PLCE1: variants seen among roughly 807,000 people sequenced by gnomAD.
The protein encoded by PLCE1 is phospholipase C epsilon 1.
Under a neutral mutation model 242.8 loss-of-function variants are expected in PLCE1, and 119 were observed. The observed-to-expected ratio is 0.49, with a 90% CI of 0.42 to 0.57. The LOEUF is 0.57. Ranked by LOEUF, PLCE1 falls within the 20% of genes least tolerant of loss-of-function variation. The probability of loss-of-function intolerance (pLI) is 0.00; values close to 1 mark genes in which losing one functional copy is unlikely to be tolerated. For synonymous variants in PLCE1, 945 were observed against 1,017.4 expected (o/e 0.93, Z 1.35); for missense variants, 2,441 against 2,788.8 (o/e 0.88, Z 2.81).
rs755520745 is a variant in PLCE1, at chr10:94,246,048, T to G, written c.2523T>G (p.His841Gln). 6.2e-7 allele frequency: 1 copy of G among 1,614,084 alleles called. No homozygotes were observed. The highest frequency in any genetic ancestry group is 1.1e-5 in the South Asian group (1 of 91,076). ...AGGACTCACAGAAGGCCTTCGACCA[T>G]GGGACGGAGCTCATCCCTTGGTACG... ...GSEDSQKAFD[H>Q]GTELIPWYVL... Residue 841 changes from histidine (H) to glutamine (Q), a missense_variant, in exon 8 of 33, where the codon CAT becomes CAG. This residue lies in a region of PLCE1 where 733 missense variants were observed against 754.2 expected (regional missense o/e 0.97). Transcript: ENST00000371380.
chr10:94,281,269 A>G (rs2052206839), intron 20 of PLCE1, among the ~76,000 whole-genome samples: 1 of 152,204 alleles, frequency 6.6e-6, no homozygotes, highest in Non-Finnish European at 1.5e-5. Context: ...TAGTTAGTCC[A>G]CTAGAAAACA....
intron 1 of PLCE1, among the ~76,000 whole-genome samples, chr10:94,025,280 T>A (rs76792790): frequency 0.027 from 4,131 of 152,210 alleles, 125 homozygotes; most frequent in African/African-American, 0.065. Context: ...CACATCTAGC[T>A]GTAAGGGAGG....
At chr10:93,994,426 G>A (rs1564612570) in intron 1 of PLCE1, among the ~76,000 whole-genome samples, 168 bp downstream of exon 1, 2 of 152,252 alleles carry the variant, frequency 1.3e-5, no homozygotes, top group South Asian at 4.1e-4. Flanking sequence ...GGTCCTCCAG[G>A]GCATGCAGGC....
intron 1 of PLCE1, among the ~76,000 whole-genome samples, chr10:94,006,604 T>C (rs978040978): frequency 2.0e-5 from 3 of 152,220 alleles, no homozygotes; most frequent in South Asian, 2.1e-4. Flanking sequence ...CATCCAACAC[T>C]ACTTGTTTTT....
chr10:94,284,992 C>A, intron 22 of PLCE1, 27 bp downstream of exon 22: 2 of 1,229,650 alleles, frequency 1.6e-6, no homozygotes, highest in Non-Finnish European at 2.4e-6. Flanking sequence ...TCATCTATAA[C>A]TTTTAAAGAT....
At chr10:94,234,599 G>A (rs1404685230) in intron 6 of PLCE1, among the ~76,000 whole-genome samples, 1 of 152,158 alleles carries the variant, frequency 6.6e-6, no homozygotes, top group East Asian at 1.9e-4. Flanking sequence ...AGATTGACAG[G>A]TTTTTCTTAT....
intron 2 of PLCE1, among the ~76,000 whole-genome samples, chr10:94,068,280 C>T (rs1383938055): frequency 6.6e-6 from 1 of 152,176 alleles, no homozygotes; most frequent in Non-Finnish European, 1.5e-5. Context: ...CTGCTTCTTT[C>T]GTGCTCCCAT....
chr10:94,028,409 A>G (rs955411325), intron 1 of PLCE1, among the ~76,000 whole-genome samples: 18 of 152,196 alleles, frequency 1.2e-4, no homozygotes, highest in Admixed American at 6.5e-5. Context: ...GATTACCCCC[A>G]GAGCATGCGA....
intron 2 of PLCE1, among the ~76,000 whole-genome samples, chr10:94,034,292 A>G (rs574371383): frequency 6.6e-6 from 1 of 152,336 alleles, no homozygotes; most frequent in African/African-American, 2.4e-5. Context: ...TGAGTCATCA[A>G]TCAGGGTAGC....
At chr10:94,167,018 G>A (rs888467940) in intron 3 of PLCE1, among the ~76,000 whole-genome samples, 42 of 152,168 alleles carry the variant, frequency 2.8e-4, no homozygotes, top group Non-Finnish European at 2.5e-4. Flanking sequence ...GGCCAGGCAT[G>A]GTGGCTCACA....
rs539096536 is a variant in PLCE1, at chr10:94,180,480, G to T, written c.1809+8984G>T. On this transcript the variant is annotated intron_variant, in intron 4 of 32. Transcript: ENST00000371380. ...TTTGGCTTTTCAAGTTCCCTTCTTGGCTCTGAGGTTTCCTTTGGTGTGAAA... is the reference window on the plus strand; with the variant it reads ...TTTGGCTTTTCAAGTTCCCTTCTTGTCTCTGAGGTTTCCTTTGGTGTGAAA... Among the ~76,000 whole-genome samples, 16 of 152,240 alleles carry T rather than the reference G, an allele frequency of 1.1e-4. 1 individual carries two copies. The highest frequency in any genetic ancestry group is 3.8e-4 in the African/African-American group (16 of 41,560).
In PLCE1 at chr10:94,298,488, G is replaced by A. The variant is rs550258605; in HGVS notation, c.5277G>A (p.Ser1759=). 11 of 1,613,972 alleles carry A rather than the reference G, an allele frequency of 6.8e-6. No homozygotes were observed. The highest frequency in any genetic ancestry group is 5.5e-5 in the South Asian group (5 of 91,064). The part of the protein sequence containing the change: ...IRTPKCYHIS[S]LNENAAKRLC... ...CTCCCAAATGTTATCATATCTCGTC[G>A]CTGAATGAAAATGCCGCCAAACGTC... is the stretch of plus-strand genomic sequence containing the variant. Residue 1759 remains serine (S), a synonymous_variant, in exon 24 of 33, where the codon TCG becomes TCA. Transcript: ENST00000371380. The surrounding 1 kb of genome is among the most constrained non-coding windows in gnomAD (Gnocchi z 5.2).
intron 8 of PLCE1, among the ~76,000 whole-genome samples, chr10:94,249,062 C>G (rs1438593157): frequency 6.6e-6 from 1 of 152,118 alleles, no homozygotes; most frequent in East Asian, 1.9e-4. Context: ...CCCCACCACC[C>G]CTGCACAGAA....
chr10:94,055,921 A>T (rs946834498), intron 2 of PLCE1, among the ~76,000 whole-genome samples: 7 of 152,142 alleles, frequency 4.6e-5, no homozygotes, highest in Non-Finnish European at 1.0e-4. Context: ...CATTCAAGGC[A>T]TTGTGTGATT....
In PLCE1 at chr10:94,031,589, C is replaced by T. The variant is rs1018870505; in HGVS notation, c.543C>T (p.Asp181=). 2 of 1,612,544 alleles carry T rather than the reference C, an allele frequency of 1.2e-6. No homozygotes were observed. The highest frequency in any genetic ancestry group is 2.7e-5 in the African/African-American group (2 of 74,884). ...VIIETGRAHP[D]SRRAVFHFHY... ...TAGAGACAGGCAGAGCACACCCTGA[C>T]AGCAGAAGGGCAGTATTTCATTTTC... is the stretch of plus-strand genomic sequence containing the variant. Residue 181 remains aspartate, a synonymous_variant, in exon 2 of 33, where the codon GAC becomes GAT. Transcript: ENST00000371380.
chr10:94,179,521 T>TGTTTTTGTTTTTG (rs67919831), intron 4 of PLCE1, among the ~76,000 whole-genome samples: 1 of 84,720 alleles, frequency 1.2e-5, no homozygotes, highest in African/African-American at 5.9e-5. Context: ...AGTTTTTTTT[T>TGTTTTTGTTTTTG]TTTTTTTTTG....
chr10:94,252,529 A>T lies in PLCE1; in HGVS notation c.3279+31A>T. On this transcript the variant is annotated intron_variant, in intron 9 of 32. Transcript: ENST00000371380. ...GTGTTATTTGTTTATTAAGCATTAA[A>T]CCCATCTTCCAGGACCGCTGTATGG... 2.5e-6 allele frequency: 4 copies of T among 1,577,848 alleles called. No homozygotes were observed. In the South Asian group the frequency reaches 3.4e-5, roughly 13 times the overall value.
intron 1 of PLCE1, among the ~76,000 whole-genome samples, chr10:94,014,659 A>G (rs1218523632): frequency 6.6e-6 from 1 of 152,228 alleles, no homozygotes; most frequent in African/African-American, 2.4e-5. Flanking sequence ...TGCCATTTTT[A>G]AAGCCCCGAT....
chr10:94,156,363 T>C (rs1246668843), intron 3 of PLCE1, among the ~76,000 whole-genome samples: 1 of 152,200 alleles, frequency 6.6e-6, no homozygotes, highest in African/African-American at 2.4e-5. Flanking sequence ...TCTGACCAAA[T>C]TGGCTACAAA....
Sources: gnomAD v4.1 joint callset for allele counts (sites outside exome capture counted in the v4.1 genomes callset) on GRCh38, gnomAD v4.1.1 for gene constraint, gnomAD v4.1.1 regional missense constraint, Gnocchi (gnomAD v3.1) non-coding constraint, MANE v1.5 for transcripts, NCBI Gene and HGNC (gene_info 2026-07-23, HGNC 2026-07-21) for gene names.